PARD3: variants seen among roughly 807,000 people sequenced by gnomAD.
PARD3 encodes the protein partitioning defective 3 homolog.
A neutral mutation model predicts 155.4 loss-of-function variants in PARD3; 75 were observed. The observed-to-expected ratio is 0.48, with a 90% CI of 0.40 to 0.58. The LOEUF is 0.58. PARD3 is among the 20% of genes least tolerant of loss of function. The pLI is 0.00. For missense variants in PARD3, 1,642 were observed against 1,721.7 expected (o/e 0.95, Z 0.82); for synonymous variants, 576 against 610.5 (o/e 0.94, Z 0.83).
chr10:34,312,153 C>A (rs1203919283), intron 20 of PARD3: 2 of 902,908 alleles, frequency 2.2e-6, no homozygotes, highest in Admixed American at 2.8e-5. Context: ...GTAATTTAAA[C>A]CCCAAGCTTG....
At chr10:34,159,087 T>C (rs1440011962) in intron 22 of PARD3, among the ~76,000 whole-genome samples, 4 of 152,246 alleles carry the variant, frequency 2.6e-5, no homozygotes, top group African/African-American at 9.6e-5. Flanking sequence ...TATTCACTGG[T>C]AATAAACAAT....
chr10:34,641,496 T>C (rs1299654185), intron 2 of PARD3, among the ~76,000 whole-genome samples: 1 of 152,200 alleles, frequency 6.6e-6, no homozygotes, highest in Non-Finnish European at 1.5e-5. Flanking sequence ...TGGTCTTTAC[T>C]GGAAGATTAC....
intron 2 of PARD3, among the ~76,000 whole-genome samples, chr10:34,595,304 T>C (rs760216684): frequency 1.2e-4 from 18 of 152,198 alleles, no homozygotes; most frequent in Non-Finnish European, 1.9e-4. Context: ...GAAACTACAA[T>C]AGAAATTTCC....
chr10:34,814,985 G>C lies in PARD3; in HGVS notation c.11C>G (p.Thr4Ser). 6.6e-7 allele frequency: 1 copy of C among 1,525,296 alleles called. No individual in the cohort carries two copies. Among genetic ancestry groups the C allele is most frequent in the South Asian group, 1.2e-5 (1 of 82,120 alleles). 94.5% of individuals were successfully genotyped at this position (1,525,296 alleles called of 1,614,324 possible). The change falls in exon 1 of 25, where the codon ACC (threonine) becomes AGC (serine). Residue 4 changes from threonine (T) to serine (S), a missense_variant. This residue lies in a region of PARD3 where 75 missense variants were observed against 65.3 expected (regional missense o/e 1.15). Transcript: ENST00000374788. MKV[T>S]VCFGRTRVVV... ...CACCCGGGTCCGTCCGAAGCACACG[G>C]TCACTTTCATGCCGCCGCCGCCGCG... is the stretch of plus-strand genomic sequence containing the variant.
chr10:34,416,711 T>G (rs907945267), intron 5 of PARD3, among the ~76,000 whole-genome samples: 1 of 152,120 alleles, frequency 6.6e-6, no homozygotes, highest in Non-Finnish European at 1.5e-5. Context: ...TTGCTAGAGA[T>G]AGAATATGGA....
chr10:34,277,562 C>T (rs1218566754), intron 21 of PARD3, among the ~76,000 whole-genome samples: 1 of 151,916 alleles, frequency 6.6e-6, no homozygotes, highest in African/African-American at 2.4e-5. Flanking sequence ...CTAAATGAGC[C>T]CTGAAAAAAA....
At chr10:34,688,513 A>G (rs1389720621) in intron 2 of PARD3, among the ~76,000 whole-genome samples, 1 of 152,254 alleles carries the variant, frequency 6.6e-6, no homozygotes, top group Non-Finnish European at 1.5e-5. Flanking sequence ...GAGAAAACTG[A>G]GACTGAGATG....
chr10:34,729,499 C>A (rs2094778498), intron 1 of PARD3, among the ~76,000 whole-genome samples: 1 of 150,156 alleles, frequency 6.7e-6, no homozygotes, highest in African/African-American at 2.5e-5. Context: ...CCACTGCACT[C>A]CAGCCTGGGC....
chr10:34,666,794 A>AAAAAAAAAG (rs1590519719), intron 2 of PARD3, among the ~76,000 whole-genome samples: 1 of 84,954 alleles, frequency 1.2e-5, no homozygotes, highest in East Asian at 3.0e-4. Flanking sequence ...AAAAAAAAAA[A>AAAAAAAAAG]AAATATATAT....
intron 22 of PARD3, among the ~76,000 whole-genome samples, chr10:34,200,798 A>G (rs1320885018): frequency 6.6e-6 from 1 of 152,236 alleles, no homozygotes; most frequent in Non-Finnish European, 1.5e-5. Flanking sequence ...TCACATGCAG[A>G]CGCCAGGGCT....
At chr10:34,447,684 A>G (rs1203307917) in intron 5 of PARD3, among the ~76,000 whole-genome samples, 1 of 151,530 alleles carries the variant, frequency 6.6e-6, no homozygotes, top group Non-Finnish European at 1.5e-5. Flanking sequence ...GGGCACCTGT[A>G]ATCCCAGCTA....
At chr10:34,377,209 G>A (rs2134689753) in intron 10 of PARD3, among the ~76,000 whole-genome samples, 1 of 152,144 alleles carries the variant, frequency 6.6e-6, no homozygotes, top group Non-Finnish European at 1.5e-5. Flanking sequence ...TTTCCACATT[G>A]CCAGACATAA....
intron 1 of PARD3, among the ~76,000 whole-genome samples, chr10:34,813,775 C>A (rs1053911123): frequency 6.6e-6 from 1 of 152,200 alleles, no homozygotes; most frequent in Non-Finnish European, 1.5e-5. Flanking sequence ...TTGCAGCCCC[C>A]AAGCCCACAG....
At chr10:34,362,515 G>C (rs931326904) in intron 12 of PARD3, among the ~76,000 whole-genome samples, 4 of 151,618 alleles carry the variant, frequency 2.6e-5, no homozygotes, top group African/African-American at 9.7e-5. Flanking sequence ...TTGTTTTTTT[G>C]AGACAGTCTC....
At chr10:34,744,730 T>C (rs944625133) in intron 1 of PARD3, among the ~76,000 whole-genome samples, 7 of 152,242 alleles carry the variant, frequency 4.6e-5, no homozygotes, top group African/African-American at 1.4e-4. Context: ...TCAAGAGAAA[T>C]AGTTTAATGT....
intron 2 of PARD3, chr10:34,664,233 C>A (rs1282285521): frequency 6.6e-6 from 1 of 152,228 alleles, no homozygotes; most frequent in Non-Finnish European, 1.5e-5. Context: ...GACAGAGTCT[C>A]GAACTGTTGC....
chr10:34,595,895 C>T (rs373353165), intron 2 of PARD3, among the ~76,000 whole-genome samples: 7 of 152,128 alleles, frequency 4.6e-5, no homozygotes, highest in African/African-American at 1.2e-4. Context: ...GGGAGGCCAA[C>T]GTGGGAGGAT....
At chr10:34,401,989 A>AAGGAAAC (rs1184043186) in intron 5 of PARD3, 72 bp from the exon 6 acceptor site, 2 of 1,189,476 alleles carry the variant, frequency 1.7e-6, no homozygotes, top group African/African-American at 3.0e-5. Flanking sequence ...AGGAAACTGG[A>AAGGAAAC]TAAAATGGAA....
At chr10:34,652,324 T>C (rs1564463293) in intron 2 of PARD3, among the ~76,000 whole-genome samples, 2 of 152,220 alleles carry the variant, frequency 1.3e-5, no homozygotes, top group Non-Finnish European at 2.9e-5. Context: ...GGACAGAGGC[T>C]ATTGGCTGAG....
Sources: allele counts gnomAD v4.1 joint callset (sites outside exome capture counted in the v4.1 genomes callset), GRCh38; gene constraint gnomAD v4.1.1; regional missense constraint gnomAD v4.1.1; transcripts MANE v1.5; gene names NCBI Gene and HGNC (gene_info 2026-07-23, HGNC 2026-07-21).